The following DGKB variants were observed in gnomAD, a reference collection of about 807,000 sequenced individuals.
The protein encoded by DGKB is diacylglycerol kinase beta, also known as 90 kDa diacylglycerol kinase.
DGKB carries 67 observed loss-of-function variants against 114.3 expected under a neutral mutation model. The ratio of observed to expected loss-of-function variants is 0.59; its 90% CI spans 0.48 to 0.72. The LOEUF (loss-of-function observed/expected upper bound fraction) is 0.72. Ranked by LOEUF, DGKB falls within the 30% of genes least tolerant of loss-of-function variation. The pLI, the probability that DGKB is intolerant of heterozygous loss-of-function variation, is 0.00. For missense variants in DGKB, 907 were observed against 975.2 expected (o/e 0.93, Z 0.93); for synonymous variants, 398 against 323.1 (o/e 1.23, Z -2.49).
At chr7:14,272,589 C>T (rs1322136227) in intron 23 of DGKB, among the ~76,000 whole-genome samples, 2 of 152,130 alleles carry the variant, frequency 1.3e-5, no homozygotes, top group Non-Finnish European at 2.9e-5. Context: ...ATCTGCCATA[C>T]TGTTAGCACC....
intron 21 of DGKB, among the ~76,000 whole-genome samples, chr7:14,385,487 T>C (rs1820183674): frequency 6.6e-6 from 1 of 152,212 alleles, no homozygotes; most frequent in African/African-American, 2.4e-5. Context: ...TCATACATGG[T>C]CCTCAGACAT....
At chr7:14,869,187 GTTC>G (rs1217366106) in intron 1 of DGKB, among the ~76,000 whole-genome samples, 1 of 152,078 alleles carries the variant, frequency 6.6e-6, no homozygotes, top group Non-Finnish European at 1.5e-5. Flanking sequence ...AAAAAAAATT[GTTC>G]TTCATCAAAA....
intron 23 of DGKB, among the ~76,000 whole-genome samples, chr7:14,235,761 G>C (rs889954413): frequency 6.6e-6 from 1 of 151,954 alleles, no homozygotes; most frequent in Non-Finnish European, 1.5e-5. Context: ...CTCCTAAAAA[G>C]CTAATCTATC....
intron 4 of DGKB, among the ~76,000 whole-genome samples, chr7:14,741,377 G>A (rs2128412580): frequency 6.6e-6 from 1 of 152,292 alleles, no homozygotes; most frequent in South Asian, 2.1e-4. Flanking sequence ...TCAAGCTGTA[G>A]CCAATCTGTT....
chr7:14,647,072 C>T (rs993621138), intron 13 of DGKB, among the ~76,000 whole-genome samples: 1 of 151,690 alleles, frequency 6.6e-6, no homozygotes, highest in African/African-American at 2.4e-5. Context: ...GACAATTAGA[C>T]TAAGAAATAA....
intron 9 of DGKB, 54 bp from the exon 10 acceptor site, chr7:14,685,416 A>T: frequency 7.8e-7 from 1 of 1,288,938 alleles, no homozygotes; most frequent in Non-Finnish European, 1.1e-6. Flanking sequence ...ACAGTGAAAG[A>T]TGTAAGTGCC....
At chr7:14,835,662 T>A (rs937164731) in intron 2 of DGKB, among the ~76,000 whole-genome samples, 1 of 152,138 alleles carries the variant, frequency 6.6e-6, no homozygotes, top group African/African-American at 2.4e-5. Context: ...AAAAATAAAT[T>A]GACTACACAC....
chr7:14,657,701 C>G (rs1435976736), intron 13 of DGKB, among the ~76,000 whole-genome samples: 1 of 151,848 alleles, frequency 6.6e-6, no homozygotes, highest in African/African-American at 2.4e-5. Flanking sequence ...ATGTTCACAC[C>G]TCCCCACCAG....
intron 2 of DGKB, among the ~76,000 whole-genome samples, chr7:14,832,015 A>T (rs2128123912): frequency 6.6e-6 from 1 of 152,230 alleles, no homozygotes; most frequent in South Asian, 2.1e-4. Flanking sequence ...ACAATAACTC[A>T]GTACATCCTA....
At chr7:14,599,756 T>C (rs1450877366) in intron 17 of DGKB, among the ~76,000 whole-genome samples, 2 of 152,212 alleles carry the variant, frequency 1.3e-5, no homozygotes, top group African/African-American at 4.8e-5. Context: ...CTGGTAGCCA[T>C]TGAATAAATG....
intron 1 of DGKB, among the ~76,000 whole-genome samples, chr7:14,953,347 A>G (rs1166306221): frequency 6.6e-6 from 1 of 152,110 alleles, no homozygotes; most frequent in Non-Finnish European, 1.5e-5. Flanking sequence ...AAGAACCCTT[A>G]CAACTCAATA....
At chr7:14,782,191 A>AT (rs1839210049) in intron 2 of DGKB, among the ~76,000 whole-genome samples, 1 of 151,938 alleles carries the variant, frequency 6.6e-6, no homozygotes, top group East Asian at 1.9e-4. Flanking sequence ...AACTCAGGCA[A>AT]TTTTTTGTAT....
intron 1 of DGKB, among the ~76,000 whole-genome samples, chr7:14,853,470 T>C (rs1052799405): frequency 6.6e-6 from 1 of 151,768 alleles, no homozygotes; most frequent in African/African-American, 2.4e-5. Context: ...GAATATTAAG[T>C]GTGCTTTGTT....
chr7:14,152,302 G>T lies in DGKB; in HGVS notation c.2305-3064C>A, dbSNP rs576346724. The stretch of plus-strand genomic sequence containing the variant: ...CCTTGATACATCAAATATTTTGGGG[G>T]CACTGGCTGTGAACAAGGCATTTTG... On this transcript the variant is annotated intron_variant, in intron 25 of 25. Coordinates refer to ENST00000402815, the MANE Select transcript of DGKB (RefSeq NM_001350709.2). Among the ~76,000 whole-genome samples the T allele has an allele frequency of 2.0e-5, 3 of 152,078 alleles. No individual in the cohort carries two copies. The East Asian group carries it at 5.8e-4, about 29-fold the overall frequency.
At chr7:14,161,438 A>T (rs1783872254) in intron 25 of DGKB, among the ~76,000 whole-genome samples, 1 of 152,210 alleles carries the variant, frequency 6.6e-6, no homozygotes, top group Non-Finnish European at 1.5e-5. Flanking sequence ...GATAGACTGG[A>T]TAAAGAAAAT....
At chr7:14,831,931 A>G (rs561696628) in intron 2 of DGKB, among the ~76,000 whole-genome samples, 1 of 152,196 alleles carries the variant, frequency 6.6e-6, no homozygotes, top group East Asian at 1.9e-4. Flanking sequence ...ACCAAAGCAA[A>G]TTGCAAAATT....
At chr7:14,853,384 C>A (rs1849663768) in intron 1 of DGKB, among the ~76,000 whole-genome samples, 1 of 151,924 alleles carries the variant, frequency 6.6e-6, no homozygotes, top group East Asian at 2.0e-4. Context: ...GAAACATTTA[C>A]AATATCATTT....
rs1460671395 is a variant in DGKB at position 14,846,470 on chromosome 7, A to G, written c.-187-5020T>C. Reference sequence around the variant, plus strand: ...AAATGTTTCACGTGTAATTTCAAATACAGAGGCACAGCTATATCTCATGCC... The same window carrying G: ...AAATGTTTCACGTGTAATTTCAAATGCAGAGGCACAGCTATATCTCATGCC... On this transcript the variant is annotated intron_variant, in intron 1 of 25. Coordinates refer to ENST00000402815, the MANE Select transcript of DGKB (RefSeq NM_001350709.2). Among the ~76,000 whole-genome samples the G allele has an allele frequency of 5.9e-5, 9 of 152,354 alleles. No individual in the cohort carries two copies. The South Asian group carries it at 1.2e-3, about 21-fold the overall frequency.
chr7:14,703,104 T>C lies in DGKB; in HGVS notation c.467-1374A>G, dbSNP rs373610195. 3.9e-5 allele frequency among the ~76,000 whole-genome samples: 6 copies of C among 152,210 alleles called. No homozygotes were observed. In the East Asian group the frequency reaches 1.2e-3, roughly 29 times the overall value. ...CAGCAACTTACAACATTGTGGATAC[T>C]AGGCATTTCAAGAGATTGTAGTGCA... On this transcript the variant is annotated intron_variant, in intron 6 of 25. Transcript: ENST00000402815.
Sources: gnomAD v4.1 joint callset for allele counts (sites outside exome capture counted in the v4.1 genomes callset) on GRCh38, gnomAD v4.1.1 for gene constraint, MANE v1.5 for transcripts, NCBI Gene and HGNC (gene_info 2026-07-23, HGNC 2026-07-21) for gene names.